Variants in NEBL observed in about 807,000 individuals in gnomAD.
The protein encoded by NEBL is LIM and SH3 protein 2.
A neutral mutation model predicts 140.2 loss-of-function variants in NEBL; 122 were observed. The ratio of observed to expected loss-of-function variants is 0.87; its 90% CI spans 0.75 to 1.01. NEBL has a LOEUF of 1.01. Ranked by LOEUF, NEBL falls within the 50% of genes least tolerant of loss-of-function variation. The pLI is 0.00. For missense variants in NEBL, 1,365 were observed against 1,231.3 expected (o/e 1.11, Z -1.62); for synonymous variants, 436 against 398.9 (o/e 1.09, Z -1.11).
chr10:20,945,929 A>G (rs964440382), intron 4 of NEBL, among the ~76,000 whole-genome samples: 3 of 152,228 alleles, frequency 2.0e-5, no homozygotes, highest in African/African-American at 7.2e-5. Flanking sequence ...ATCCTCTCTA[A>G]ATGCCAGTTT....
At chr10:21,189,631 AT>A (rs528222745) in intron 3 of NEBL, among the ~76,000 whole-genome samples, 5 of 146,894 alleles carry the variant, frequency 3.4e-5, no homozygotes, top group African/African-American at 1.3e-4. Context: ...CGCCCAGCTA[AT>A]TTTTTTGTAT....
chr10:20,903,850 C>T (rs149644898), intron 4 of NEBL, among the ~76,000 whole-genome samples: 386 of 138,458 alleles, frequency 2.8e-3, no homozygotes, highest in Non-Finnish European at 4.7e-3. Flanking sequence ...AGTACTGTAA[C>T]GGCCAATGGA....
At chr10:21,156,405 G>A (rs553469452) in intron 2 of NEBL, among the ~76,000 whole-genome samples, 6 of 152,296 alleles carry the variant, frequency 3.9e-5, no homozygotes, top group South Asian at 2.1e-4. Flanking sequence ...TTTGGGATTC[G>A]TTTTCAAAGT....
chr10:21,151,304 G>C (rs1161178442), intron 2 of NEBL, among the ~76,000 whole-genome samples: 12 of 152,200 alleles, frequency 7.9e-5, no homozygotes, highest in Admixed American at 1.3e-4. Flanking sequence ...CACCACTCAT[G>C]TGGTGAAACT....
chr10:20,820,018 T>C (rs1429840426), intron 19 of NEBL, among the ~76,000 whole-genome samples: 2 of 152,240 alleles, frequency 1.3e-5, no homozygotes, highest in Non-Finnish European at 2.9e-5. Context: ...ATGAATTCTA[T>C]GAATTCATTT....
intron 2 of NEBL, among the ~76,000 whole-genome samples, chr10:21,077,571 C>T (rs1014625024): frequency 1.3e-5 from 2 of 151,952 alleles, no homozygotes; most frequent in African/African-American, 4.8e-5. Flanking sequence ...GGCACCACTG[C>T]ACTCCAGCCT....
intron 3 of NEBL, among the ~76,000 whole-genome samples, chr10:21,004,358 T>C (rs990028457): frequency 6.6e-6 from 1 of 151,886 alleles, no homozygotes; most frequent in East Asian, 1.9e-4. Flanking sequence ...GGAAAAAAAA[T>C]GCCAGGAGTG....
chr10:20,859,829 G>T lies in NEBL; in HGVS notation c.685-3C>A. 1 of 1,349,650 alleles carries T rather than the reference G, an allele frequency of 7.4e-7. No homozygotes were observed. The highest frequency in any genetic ancestry group is 1.1e-6 in the Non-Finnish European group (1 of 944,434). The allele number at this position is 1,349,650 out of a possible 1,614,324, so 83.6% of individuals were successfully genotyped here. On this transcript the variant is annotated splice_polypyrimidine_tract_variant and splice_region_variant and intron_variant, in intron 7 of 27. Transcript: ENST00000377122. ...TCAAATTTTTCTTTGTATTTAATCT[G>T]TCATAAAAGAGAAATAGTACATGTA...
chr10:20,982,724 C>A (rs1461608217), intron 3 of NEBL, among the ~76,000 whole-genome samples: 1 of 150,728 alleles, frequency 6.6e-6, no homozygotes, highest in Non-Finnish European at 1.5e-5. Flanking sequence ...TATGGCCTTC[C>A]CCCCCAAAAA....
intron 3 of NEBL, among the ~76,000 whole-genome samples, chr10:21,007,982 T>G (rs1212216057): frequency 6.6e-6 from 1 of 152,240 alleles, no homozygotes; most frequent in Non-Finnish European, 1.5e-5. Context: ...ATAAGGTGAC[T>G]GTTAGAGTGT....
At chr10:21,105,240 T>A (rs1442832355) in intron 2 of NEBL, among the ~76,000 whole-genome samples, 2 of 152,200 alleles carry the variant, frequency 1.3e-5, no homozygotes, top group African/African-American at 4.8e-5. Flanking sequence ...ACATGCAGTT[T>A]TGTTACATAG....
chr10:21,164,232 G>C (rs1264855722), intron 2 of NEBL, among the ~76,000 whole-genome samples: 1 of 152,216 alleles, frequency 6.6e-6, no homozygotes, highest in Non-Finnish European at 1.5e-5. Flanking sequence ...GGTCTTCCTA[G>C]TAACACTAAC....
chr10:21,091,924 G>A (rs1430029023), intron 2 of NEBL, among the ~76,000 whole-genome samples: 4 of 152,144 alleles, frequency 2.6e-5, no homozygotes, highest in East Asian at 1.9e-4. Flanking sequence ...GAGCCACCAC[G>A]CCCACCTTGT....
Position 20,823,189 on chromosome 10 carries a change from A to T in NEBL, c.1962+19T>A. The stretch of plus-strand genomic sequence containing the variant: ...ATATACAATAAAATTTTTAAAAAAT[A>T]CTTAAGAAATATGATCACATTGCTG... On this transcript the variant is annotated intron_variant, in intron 19 of 27. Transcript: ENST00000377122. 2 of 1,569,182 alleles carry T rather than the reference A, an allele frequency of 1.3e-6. No homozygotes were observed. Among genetic ancestry groups the T allele is most frequent in the Non-Finnish European group, 1.7e-6 (2 of 1,145,614 alleles).
chr10:21,185,455 T>A (rs1841449697), intron 3 of NEBL, among the ~76,000 whole-genome samples: 1 of 151,010 alleles, frequency 6.6e-6, no homozygotes, highest in Non-Finnish European at 1.5e-5. Context: ...GCACACAGAA[T>A]TTCGACTTCT....
At chr10:20,868,174 T>A (rs1844513843) in intron 7 of NEBL, 2 of 153,208 alleles carry the variant, frequency 1.3e-5, no homozygotes, top group South Asian at 4.1e-4. Context: ...GCCTTTATAC[T>A]TTTTCAGATC....
intron 3 of NEBL, among the ~76,000 whole-genome samples, chr10:21,203,667 T>G (rs1318897268): frequency 6.6e-6 from 1 of 152,202 alleles, no homozygotes; most frequent in Non-Finnish European, 1.5e-5. Context: ...TGCAACCTGT[T>G]TCTGTAATGG....
At chr10:20,883,898 T>C (rs1846234536) in intron 4 of NEBL, among the ~76,000 whole-genome samples, 1 of 152,232 alleles carries the variant, frequency 6.6e-6, no homozygotes, top group Non-Finnish European at 1.5e-5. Flanking sequence ...TAGAGGGAGC[T>C]GAACTTTAAT....
intron 14 of NEBL, among the ~76,000 whole-genome samples, chr10:20,832,731 G>A (rs1449372471): frequency 6.6e-6 from 1 of 152,050 alleles, no homozygotes; most frequent in African/African-American, 2.4e-5. Flanking sequence ...TTGCTTATTA[G>A]GAGATCCTCA....
Sources: allele counts gnomAD v4.1 joint callset (sites outside exome capture counted in the v4.1 genomes callset), GRCh38; gene constraint gnomAD v4.1.1; transcripts MANE v1.5; gene names NCBI Gene and HGNC (gene_info 2026-07-23, HGNC 2026-07-21).